Variants in MARCHF4 observed in about 807,000 individuals in gnomAD.
MARCHF4 encodes the protein E3 ubiquitin-protein ligase MARCHF4.
Under a neutral mutation model 43.9 loss-of-function variants are expected in MARCHF4, and 14 were observed. The ratio of observed to expected loss-of-function variants is 0.32; its 90% CI spans 0.21 to 0.50. MARCHF4 has a LOEUF of 0.50. Among genes scored for constraint, MARCHF4 ranks in the 20% least tolerant of loss-of-function variants. MARCHF4 has a pLI of 0.98. For synonymous variants in MARCHF4, 226 were observed against 213.3 expected (o/e 1.06, Z -0.52); for missense variants, 468 against 536.7 (o/e 0.87, Z 1.27).
intron 1 of MARCHF4, among the ~76,000 whole-genome samples, chr2:216,327,700 G>C (rs991709284): frequency 1.3e-5 from 2 of 152,148 alleles, no homozygotes; most frequent in African/African-American, 4.8e-5. Context: ...AATGAGATAA[G>C]AAAGGAGGCA....
chr2:216,359,514 G>A (rs1197047955), intron 1 of MARCHF4, among the ~76,000 whole-genome samples: 1 of 152,160 alleles, frequency 6.6e-6, no homozygotes, highest in Non-Finnish European at 1.5e-5. Flanking sequence ...TCACCCACCA[G>A]GAGGTTGCCT....
intron 1 of MARCHF4, among the ~76,000 whole-genome samples, chr2:216,363,861 T>G (rs1423692914): frequency 6.6e-6 from 1 of 152,216 alleles, no homozygotes; most frequent in Non-Finnish European, 1.5e-5. Flanking sequence ...CCATGTAACA[T>G]GTTTACTGGG....
rs1377933732 is a variant in MARCHF4 at position 216,370,012 on chromosome 2, G to A, written c.249C>T (p.Gly83=). ...LAANNTLPAL[G]AGGWAGWRGP... is the part of the protein sequence containing the mutation. Reference sequence around the variant, plus strand: ...CCCTCCAGCCTGCCCACCCCCCGGCGCCCAGAGCCGGAAGGGTGTTGTTGG... The same window carrying A: ...CCCTCCAGCCTGCCCACCCCCCGGCACCCAGAGCCGGAAGGGTGTTGTTGG... Residue 83 remains glycine, a synonymous_variant, in exon 1 of 4, where the codon GGC becomes GGT. Coordinates refer to ENST00000273067, the MANE Select transcript of MARCHF4 (RefSeq NM_020814.3). 3 of 1,539,608 alleles carry A rather than the reference G, an allele frequency of 1.9e-6. No homozygotes were observed. The highest frequency in any genetic ancestry group is 1.4e-5 in the African/African-American group (1 of 72,930).
intron 1 of MARCHF4, among the ~76,000 whole-genome samples, chr2:216,359,598 C>A (rs781341598): frequency 1.3e-5 from 2 of 152,160 alleles, no homozygotes; most frequent in Non-Finnish European, 2.9e-5. Flanking sequence ...AAGCTTCAGT[C>A]GCATTTGCAG....
At chr2:216,362,628 T>G (rs1574488651) in intron 1 of MARCHF4, among the ~76,000 whole-genome samples, 1 of 152,230 alleles carries the variant, frequency 6.6e-6, no homozygotes. Context: ...TTGTGGGGCA[T>G]GAGGTCATTC....
chr2:216,272,062 A>T (rs2105935182), intron 3 of MARCHF4, among the ~76,000 whole-genome samples: 1 of 151,200 alleles, frequency 6.6e-6, no homozygotes, highest in East Asian at 2.0e-4. Flanking sequence ...CTCTAAAAAA[A>T]CACCCTATGT....
chr2:216,346,549 T>C (rs774213711), intron 1 of MARCHF4, among the ~76,000 whole-genome samples: 2 of 151,850 alleles, frequency 1.3e-5, no homozygotes, highest in Non-Finnish European at 2.9e-5. Context: ...ACTGTCTGAG[T>C]GTAGGGATCT....
intron 1 of MARCHF4, among the ~76,000 whole-genome samples, chr2:216,296,069 C>T (rs1404756488): frequency 6.6e-6 from 1 of 152,192 alleles, no homozygotes; most frequent in Non-Finnish European, 1.5e-5. Flanking sequence ...TCGATTGAAC[C>T]TGGGAGGTGG....
chr2:216,362,376 G>A (rs1692597794), intron 1 of MARCHF4, among the ~76,000 whole-genome samples: 1 of 152,220 alleles, frequency 6.6e-6, no homozygotes, highest in Non-Finnish European at 1.5e-5. Context: ...AGTAGCAGGG[G>A]AAACGATTAG....
chr2:216,276,034 C>T (rs910852466), intron 3 of MARCHF4, among the ~76,000 whole-genome samples: 2 of 152,198 alleles, frequency 1.3e-5, no homozygotes, highest in Admixed American at 6.5e-5. Context: ...CTCCCAAACC[C>T]CTGAATGGGA....
At chr2:216,347,174 C>T (rs1440083160) in intron 1 of MARCHF4, among the ~76,000 whole-genome samples, 1 of 152,118 alleles carries the variant, frequency 6.6e-6, no homozygotes, top group Admixed American at 6.5e-5. Context: ...TCAGGTATTT[C>T]TTGATAGCAG....
In MARCHF4 at chr2:216,258,901, G is replaced by C. The variant is rs150106500; in HGVS notation, c.*411C>G. 4.6e-4 allele frequency: 73 copies of C among 157,682 alleles called. No homozygotes were observed. Among genetic ancestry groups the C allele is most frequent in the African/African-American group, 1.6e-3 (68 of 41,718 alleles). 9.8% of individuals were successfully genotyped at this position (157,682 alleles called of 1,614,324 possible). A position where few individuals can be genotyped will look rare whatever the true frequency, so the allele number is the denominator to read the frequency against. On this transcript the variant is annotated 3_prime_UTR_variant, in exon 4 of 4. Coordinates refer to ENST00000273067, the MANE Select transcript of MARCHF4 (RefSeq NM_020814.3). ...CCCCAGGAGAAACAAAACCAAACAG[G>C]GTGAGAGCAGAGCAGACCACAGATG...
At chr2:216,260,224 C>A (rs2105929649) in intron 3 of MARCHF4, among the ~76,000 whole-genome samples, 1 of 152,324 alleles carries the variant, frequency 6.6e-6, no homozygotes, top group Middle Eastern at 3.4e-3. Flanking sequence ...CAAGTTACAC[C>A]AGGCAGCAAG....
intron 3 of MARCHF4, among the ~76,000 whole-genome samples, chr2:216,260,268 C>A (rs1690719173): frequency 6.6e-6 from 1 of 152,218 alleles, no homozygotes; most frequent in South Asian, 2.1e-4. Flanking sequence ...CTATTGTGTG[C>A]CAAGCACTGG....
At position 216,370,503 on chromosome 2, in the gene MARCHF4, C is replaced by G; in HGVS notation, c.-243G>C. The stretch of plus-strand genomic sequence containing the variant: ...AAAAAGTTTTTCTTGCCCTCACACA[C>G]CCACCCCAACCTCCAACTTTGTTCA... On this transcript the variant is annotated 5_prime_UTR_variant, in exon 1 of 4. Coordinates refer to ENST00000273067, the MANE Select transcript of MARCHF4 (RefSeq NM_020814.3). 1 of 427,542 alleles carries G rather than the reference C, an allele frequency of 2.3e-6. No homozygotes were observed. The highest frequency in any genetic ancestry group is 4.1e-6 in the Non-Finnish European group (1 of 241,200). 26.5% of individuals were successfully genotyped at this position (427,542 alleles called of 1,614,324 possible). A position where few individuals can be genotyped will look rare whatever the true frequency, so the allele number is the denominator to read the frequency against.
At chr2:216,283,077 G>A (rs1691156965) in intron 2 of MARCHF4, among the ~76,000 whole-genome samples, 1 of 152,120 alleles carries the variant, frequency 6.6e-6, no homozygotes, top group South Asian at 2.1e-4. Context: ...GGGCCATTGA[G>A]TCTATTCTTC....
At chr2:216,263,152 C>T (rs913485818) in intron 3 of MARCHF4, among the ~76,000 whole-genome samples, 7 of 152,182 alleles carry the variant, frequency 4.6e-5, no homozygotes, top group African/African-American at 9.7e-5. Flanking sequence ...TTCGCCTAGG[C>T]GCAGTGGCTC....
At chr2:216,290,971 A>T (rs1225233613) in intron 1 of MARCHF4, among the ~76,000 whole-genome samples, 1 of 152,194 alleles carries the variant, frequency 6.6e-6, no homozygotes, top group Non-Finnish European at 1.5e-5. Context: ...ACTGAGATAC[A>T]TGTTAATCTG....
intron 1 of MARCHF4, among the ~76,000 whole-genome samples, chr2:216,302,853 G>C (rs980104305): frequency 1.5e-5 from 2 of 132,372 alleles, no homozygotes; most frequent in African/African-American, 6.3e-5. Context: ...AGCCAAGATA[G>C]CACCACTGCA....
Sources: gnomAD v4.1 joint callset for allele counts (sites outside exome capture counted in the v4.1 genomes callset) on GRCh38, gnomAD v4.1.1 for gene constraint, MANE v1.5 for transcripts, NCBI Gene and HGNC (gene_info 2026-07-23, HGNC 2026-07-21) for gene names.